Variants in ZRANB1 observed in about 807,000 individuals in gnomAD.
The protein encoded by ZRANB1 is ubiquitin thioesterase ZRANB1.
Under a neutral mutation model 80.5 loss-of-function variants are expected in ZRANB1, and 16 were observed. The ratio of observed to expected loss-of-function variants is 0.20; its 90% CI spans 0.13 to 0.30. ZRANB1 has a LOEUF of 0.30. Among genes scored for constraint, ZRANB1 ranks in the 10% least tolerant of loss-of-function variants. ZRANB1 has a pLI of 1.00. For synonymous variants in ZRANB1, 291 were observed against 293.1 expected (o/e 0.99, Z 0.07); for missense variants, 576 against 862.6 (o/e 0.67, Z 4.16).
intron 1 of ZRANB1, among the ~76,000 whole-genome samples, chr10:124,958,141 T>C (rs1951701911): frequency 6.6e-6 from 1 of 152,258 alleles, no homozygotes. Context: ...TCACCAAATT[T>C]AGACATTTGT....
Position 124,943,081 on chromosome 10 carries a change from T to C in ZRANB1, c.588T>C (p.Asn196=). 1 of 1,614,156 alleles carries C rather than the reference T, an allele frequency of 6.2e-7. No homozygotes were observed. Among genetic ancestry groups the C allele is most frequent in the Non-Finnish European group, 8.5e-7 (1 of 1,180,038 alleles). ...CTGAAGAGGCTTCTTCAATAATAAA[T>C]GAGCAAGACAGAGCTCGATGGAGGG... ...AETEEASSII[N]EQDRARWRGS... Residue 196 remains asparagine, a synonymous_variant, in exon 1 of 9, where the codon AAT becomes AAC. Coordinates refer to ENST00000359653, the MANE Select transcript of ZRANB1 (RefSeq NM_017580.3).
chr10:124,966,464 C>T, intron 1 of ZRANB1, 130 bp from the exon 2 acceptor site: 2 of 875,566 alleles, frequency 2.3e-6, no homozygotes, highest in Non-Finnish European at 3.5e-6. Flanking sequence ...TCTTATAGGA[C>T]ATTTAAATGA....
Position 124,985,212 on chromosome 10 carries a change from T to C in ZRANB1, c.*220T>C, listed in dbSNP as rs776033027. The C allele has an allele frequency of 3.3e-5, 15 of 455,818 alleles. No homozygotes were observed. Among genetic ancestry groups the C allele is most frequent in the Non-Finnish European group, 5.0e-5 (13 of 258,466 alleles). 28.2% of individuals were successfully genotyped at this position (455,818 alleles called of 1,614,324 possible). A position where few individuals can be genotyped will look rare whatever the true frequency, so the allele number is the denominator to read the frequency against. The stretch of plus-strand genomic sequence containing the variant: ...TTGGACTACAGTTTGTAAAAAAAAC[T>C]AATTTTATTAAGACAGAACTTTTTT... On this transcript the variant is annotated 3_prime_UTR_variant, in exon 9 of 9. Transcript: ENST00000359653.
chr10:124,984,528 A>G (rs1951989126), intron 8 of ZRANB1: 4 of 452,934 alleles, frequency 8.8e-6, no homozygotes, highest in Admixed American at 3.9e-5. Flanking sequence ...TATCTAACAA[A>G]TTACCCTCTA....
At chr10:124,958,539 C>CT (rs764013246) in intron 1 of ZRANB1, among the ~76,000 whole-genome samples, 24 of 151,128 alleles carry the variant, frequency 1.6e-4, no homozygotes, top group African/African-American at 3.4e-4. Flanking sequence ...TATTTTCAGT[C>CT]TTTTTTTTTG....
chr10:124,938,617 C>A (rs566904167), upstream of ZRANB1, among the ~76,000 whole-genome samples: 1 of 152,178 alleles, frequency 6.6e-6, no homozygotes, highest in Non-Finnish European at 1.5e-5. Context: ...AGCACCTAGC[C>A]ACTCTTCAAT....
chr10:124,975,877 C>CTA (rs1425674102), intron 5 of ZRANB1, among the ~76,000 whole-genome samples: 1 of 152,150 alleles, frequency 6.6e-6, no homozygotes, highest in African/African-American at 2.4e-5. Flanking sequence ...TGGTGCATGC[C>CTA]TATAATCCCA....
the ZRANB1 span, among the ~76,000 whole-genome samples, chr10:124,919,138 C>G: frequency 4.6e-5 from 7 of 152,282 alleles, no homozygotes; most frequent in East Asian, 1.4e-3. Flanking sequence ...AGTTTTGGAA[C>G]TCATGATCTA....
At chr10:124,951,029 C>G (rs1383356303) in intron 1 of ZRANB1, among the ~76,000 whole-genome samples, 1 of 148,718 alleles carries the variant, frequency 6.7e-6, no homozygotes, top group Non-Finnish European at 1.5e-5. Flanking sequence ...GTTTTACTTA[C>G]ACACCTTGTT....
intron 5 of ZRANB1, among the ~76,000 whole-genome samples, chr10:124,978,793 A>ATTTTTTTTTT (rs35714295): frequency 4.9e-4 from 56 of 115,392 alleles, no homozygotes; most frequent in African/African-American, 1.5e-3. Context: ...TTCCCAGCTA[A>ATTTTTTTTTT]TTTTTTTTTT....
the ZRANB1 span, among the ~76,000 whole-genome samples, chr10:124,935,377 A>G: frequency 1.3e-5 from 2 of 152,250 alleles, no homozygotes; most frequent in African/African-American, 2.4e-5. Context: ...AGAAGGTACC[A>G]CATTTGCTTT....
intron 3 of ZRANB1, among the ~76,000 whole-genome samples, 167 bp from the exon 4 acceptor site, chr10:124,973,478 C>T (rs1951845465): frequency 6.6e-6 from 1 of 152,186 alleles, no homozygotes; most frequent in South Asian, 2.1e-4. Flanking sequence ...TATTTTATAT[C>T]ACACATGTTA....
chr10:124,954,143 T>TTTTTG (rs1197595317), intron 1 of ZRANB1, among the ~76,000 whole-genome samples: 1 of 132,938 alleles, frequency 7.5e-6, no homozygotes, highest in African/African-American at 2.9e-5. Flanking sequence ...AATTCCTGTT[T>TTTTTG]TTTTTTTTTT....
At chr10:124,965,702 ATAAATAAT>A (rs1454622046) in intron 1 of ZRANB1, among the ~76,000 whole-genome samples, 1 of 152,216 alleles carries the variant, frequency 6.6e-6, no homozygotes, top group Non-Finnish European at 1.5e-5. Context: ...ATTTGGTCCC[ATAAATAAT>A]TTTTTAAAAA....
rs765800354 is a variant in ZRANB1, at chr10:124,942,672, G to A, written c.179G>A (p.Gly60Glu). The change falls in exon 1 of 9, where the codon GGA becomes GAA. Residue 60 changes from glycine to glutamate, a missense_variant. Physicochemically the swap from Gly to Glu is moderately conservative, Grantham distance 98. Coordinates refer to ENST00000359653, the MANE Select transcript of ZRANB1 (RefSeq NM_017580.3). The stretch of plus-strand genomic sequence containing the variant: ...GATTGGGATCCTTCCAGCACCGAAG[G>A]AGGAAGTAGTCCTTTGATATGTCCA... ...GRDWDPSSTE[G>E]GSSPLICPDS... 9.3e-6 allele frequency: 15 copies of A among 1,614,122 alleles called. No homozygotes were observed. Among genetic ancestry groups the A allele is most frequent in the African/African-American group, 1.3e-5 (1 of 74,940 alleles).
chr10:124,983,749 G>A lies in ZRANB1; in HGVS notation c.1908+61G>A. The A allele has an allele frequency of 9.1e-6, 12 of 1,316,534 alleles. No homozygotes were observed. Among genetic ancestry groups the A allele is most frequent in the Non-Finnish European group, 1.3e-5 (12 of 950,166 alleles). 81.6% of individuals were successfully genotyped at this position (1,316,534 alleles called of 1,614,324 possible). A position where few individuals can be genotyped will look rare whatever the true frequency, so the allele number is the denominator to read the frequency against. On this transcript the variant is annotated intron_variant, in intron 8 of 8. Coordinates refer to ENST00000359653, the MANE Select transcript of ZRANB1 (RefSeq NM_017580.3). This position sits in a 1 kb window ranked among gnomAD's most constrained non-coding sequence, Gnocchi z 6.2. ...GACCTTGTACCAGAAACAGCCTGAA[G>A]TGCCTTTCAGGTGTGGTTTTATCTG...
intron 1 of ZRANB1, 131 bp downstream of exon 1, chr10:124,943,438 T>A: frequency 1.2e-6 from 1 of 805,060 alleles, no homozygotes; most frequent in Non-Finnish European, 1.9e-6. Flanking sequence ...TTTGAGGCTG[T>A]AGTATGCCAT....
chr10:124,923,949 A>AG, the ZRANB1 span, among the ~76,000 whole-genome samples: 1 of 152,062 alleles, frequency 6.6e-6, no homozygotes, highest in South Asian at 2.1e-4. Flanking sequence ...ACCAAAAAAA[A>AG]AGAATTTTTG....
At chr10:124,944,342 G>GT (rs1327349845) in intron 1 of ZRANB1, among the ~76,000 whole-genome samples, 2 of 152,230 alleles carry the variant, frequency 1.3e-5, no homozygotes, top group East Asian at 3.9e-4. Flanking sequence ...TTAGCTGTAT[G>GT]TTTTCCCTCA....
Sources: gnomAD v4.1 joint callset for allele counts (sites outside exome capture counted in the v4.1 genomes callset) on GRCh38, gnomAD v4.1.1 for gene constraint, Gnocchi (gnomAD v3.1) non-coding constraint, MANE v1.5 for transcripts, NCBI Gene and HGNC (gene_info 2026-07-23, HGNC 2026-07-21) for gene names.